The following NCOA2 variants were observed in gnomAD, a reference collection of about 807,000 sequenced individuals.
NCOA2 encodes class E basic helix-loop-helix protein 75.
In NCOA2, 21 loss-of-function variants were observed where a neutral mutation model predicts 145.1. The ratio of observed to expected loss-of-function variants is 0.14; its 90% CI spans 0.10 to 0.21. NCOA2 has a LOEUF of 0.21. Among genes scored for constraint, NCOA2 ranks in the 10% least tolerant of loss-of-function variants. The pLI, the probability that NCOA2 is intolerant of heterozygous loss-of-function variation, is 1.00. For synonymous variants in NCOA2, 619 were observed against 637.5 expected, an observed-to-expected ratio of 0.97 and a Z score of 0.44; for missense variants, 1,472 against 1,837.6, an observed-to-expected ratio of 0.80 and a Z score of 3.64.
At chr8:70,323,126 G>C (rs753282464) in intron 1 of NCOA2, among the ~76,000 whole-genome samples, 1 of 152,206 alleles carries the variant, frequency 6.6e-6, no homozygotes, top group Non-Finnish European at 1.5e-5. Flanking sequence ...ACTTAGGGAG[G>C]CTGCATCAGA....
the NCOA2 span, among the ~76,000 whole-genome samples, chr8:70,440,613 AAGAG>A: frequency 1.3e-5 from 2 of 151,484 alleles, no homozygotes; most frequent in Non-Finnish European, 2.9e-5. Flanking sequence ...GAAAGAAAGA[AAGAG>A]AGAGCGAGAG....
chr8:70,194,898 G>A (rs1465782311), intron 4 of NCOA2, among the ~76,000 whole-genome samples: 1 of 152,072 alleles, frequency 6.6e-6, no homozygotes, highest in Admixed American at 6.6e-5. Flanking sequence ...TGGGTAACAG[G>A]TTTAATTGTC....
intron 12 of NCOA2, among the ~76,000 whole-genome samples, chr8:70,145,102 T>C (rs1301248565): frequency 1.3e-5 from 2 of 152,234 alleles, no homozygotes; most frequent in African/African-American, 2.4e-5. Flanking sequence ...TTATTTACCA[T>C]ATACCTTCCT....
intron 1 of NCOA2, among the ~76,000 whole-genome samples, chr8:70,399,142 C>A (rs1384679342): frequency 6.6e-6 from 1 of 152,142 alleles, no homozygotes; most frequent in Non-Finnish European, 1.5e-5. Context: ...AATTGAAGGT[C>A]TGCAACATTA....
intron 1 of NCOA2, among the ~76,000 whole-genome samples, chr8:70,366,934 C>T (rs1810746871): frequency 6.6e-6 from 1 of 152,070 alleles, no homozygotes; most frequent in South Asian, 2.1e-4. Flanking sequence ...CCTAGATGTG[C>T]TAAAGGTTCA....
intron 4 of NCOA2, among the ~76,000 whole-genome samples, chr8:70,204,692 C>T (rs1164869496): frequency 2.6e-5 from 4 of 152,186 alleles, no homozygotes; most frequent in East Asian, 1.9e-4. Flanking sequence ...AAACATGATA[C>T]TCAAAACCGC....
intron 4 of NCOA2, among the ~76,000 whole-genome samples, chr8:70,190,408 T>C (rs1816553213): frequency 6.6e-6 from 1 of 152,222 alleles, no homozygotes; most frequent in South Asian, 2.1e-4. Flanking sequence ...ATAAAACTCA[T>C]TGGTGTTTAG....
At chr8:70,139,889 G>A (rs1020545822) in intron 14 of NCOA2, among the ~76,000 whole-genome samples, 6 of 151,990 alleles carry the variant, frequency 3.9e-5, no homozygotes, top group African/African-American at 1.5e-4. Flanking sequence ...CTGACCTCAG[G>A]TGATCTGCCT....
chr8:70,307,055 T>G (rs1433710534), intron 1 of NCOA2, among the ~76,000 whole-genome samples: 2 of 152,120 alleles, frequency 1.3e-5, no homozygotes, highest in Non-Finnish European at 2.9e-5. Context: ...CAATTCTTGC[T>G]CTACCCAACT....
chr8:70,430,974 C>T, the NCOA2 span, among the ~76,000 whole-genome samples: 1 of 152,068 alleles, frequency 6.6e-6, no homozygotes, highest in Non-Finnish European at 1.5e-5. Flanking sequence ...TGAAGGTCTC[C>T]ACTGATAAAT....
chr8:70,118,884 C>T (rs1807450008), intron 22 of NCOA2, among the ~76,000 whole-genome samples: 1 of 152,066 alleles, frequency 6.6e-6, no homozygotes, highest in Admixed American at 6.6e-5. Context: ...GGTGAGGTTT[C>T]ACCATGTTAG....
chr8:70,230,252 T>C (rs563228663), intron 2 of NCOA2, among the ~76,000 whole-genome samples: 32 of 152,302 alleles, frequency 2.1e-4, no homozygotes, highest in African/African-American at 7.5e-4. Flanking sequence ...GCTGCATTTA[T>C]ATGAAATGTC....
chr8:70,351,029 C>T (rs991634451), intron 1 of NCOA2, among the ~76,000 whole-genome samples: 1 of 152,146 alleles, frequency 6.6e-6, no homozygotes, highest in African/African-American at 2.4e-5. Flanking sequence ...CATGAGAGAG[C>T]AAGAGACAGC....
Position 70,328,435 on chromosome 8 carries a change from T to C in NCOA2, c.-76-31635A>G, listed in dbSNP as rs567420351. ...TCCTCTCTAGGTCTCCTAGACATCA[T>C]TCATAAACTGGATTCTTTGAATAGA... On this transcript the variant is annotated intron_variant, in intron 1 of 22. Coordinates refer to ENST00000452400, the MANE Select transcript of NCOA2 (RefSeq NM_006540.4). 2.0e-5 allele frequency among the ~76,000 whole-genome samples: 3 copies of C among 152,194 alleles called. No individual in the cohort carries two copies. In the East Asian group the frequency reaches 5.8e-4, roughly 29 times the overall value.
At chr8:70,403,094 A>C (rs1318284705) in intron 1 of NCOA2, among the ~76,000 whole-genome samples, 6 of 145,258 alleles carry the variant, frequency 4.1e-5, no homozygotes, top group Non-Finnish European at 9.1e-5. Flanking sequence ...TCACCTTCAC[A>C]CACCCCCAGC....
chr8:70,144,196 T>A (rs1365565634), intron 13 of NCOA2, among the ~76,000 whole-genome samples: 1 of 152,250 alleles, frequency 6.6e-6, no homozygotes, highest in Non-Finnish European at 1.5e-5. Context: ...TCTTTATTTT[T>A]AATTAGTACT....
chr8:70,131,560 A>G (rs1809104663), intron 16 of NCOA2, among the ~76,000 whole-genome samples: 6 of 152,170 alleles, frequency 3.9e-5, no homozygotes, highest in Admixed American at 3.9e-4. Context: ...CCTATCAGCA[A>G]GGGCGGACAC....
At chr8:70,191,205 G>A (rs1816637622) in intron 4 of NCOA2, among the ~76,000 whole-genome samples, 1 of 152,196 alleles carries the variant, frequency 6.6e-6, no homozygotes, top group South Asian at 2.1e-4. Context: ...GCCTTATTGT[G>A]TCCTATAGGC....
At chr8:70,142,652 T>C (rs539693349) in intron 13 of NCOA2, among the ~76,000 whole-genome samples, 43 of 152,282 alleles carry the variant, frequency 2.8e-4, no homozygotes, top group African/African-American at 4.8e-4. Flanking sequence ...TGAGCTGTGA[T>C]TGAGCCACTG....
Sources: allele counts gnomAD v4.1 joint callset (sites outside exome capture counted in the v4.1 genomes callset), GRCh38; gene constraint gnomAD v4.1.1; transcripts MANE v1.5; gene names NCBI Gene and HGNC (gene_info 2026-07-23, HGNC 2026-07-21).